Variants in NRXN3 observed in about 807,000 individuals in gnomAD.
The protein encoded by NRXN3 is neurexin 3.
NRXN3 carries 32 observed loss-of-function variants against 137.6 expected under a neutral mutation model. The ratio of observed to expected loss-of-function variants is 0.23; its 90% CI spans 0.18 to 0.31. The LOEUF is 0.31. Among genes scored for constraint, NRXN3 ranks in the 10% least tolerant of loss-of-function variants. NRXN3 has a pLI of 1.00. For synonymous variants in NRXN3, 798 were observed against 784.5 expected, an observed-to-expected ratio of 1.02 and a Z score of -0.29; for missense variants, 1,574 against 2,062.5, an observed-to-expected ratio of 0.76 and a Z score of 4.59.
intron 6 of NRXN3, among the ~76,000 whole-genome samples, chr14:78,694,087 T>C (rs1863026): frequency 0.13 from 19,901 of 151,928 alleles, 1,654 homozygotes; most frequent in African/African-American, 0.2. Context: ...GCATTTCTGA[T>C]TGCCCCTTCC....
intron 8 of NRXN3, among the ~76,000 whole-genome samples, chr14:78,736,949 A>G (rs1470579289): frequency 6.6e-6 from 1 of 151,982 alleles, no homozygotes; most frequent in Non-Finnish European, 1.5e-5. Context: ...TTATCATTTC[A>G]GAAAAGACTT....
intron 15 of NRXN3, among the ~76,000 whole-genome samples, chr14:79,237,996 T>C (rs139457117): frequency 1.2e-3 from 179 of 152,284 alleles, no homozygotes; most frequent in African/African-American, 4.1e-3. Context: ...TTTTTAATTA[T>C]GAGGTATTTT....
intron 16 of NRXN3, among the ~76,000 whole-genome samples, chr14:79,529,522 A>G (rs7158959): frequency 0.067 from 10,161 of 152,288 alleles, 765 homozygotes; most frequent in African/African-American, 0.18. Context: ...CCCTCACCAC[A>G]TATGTGAGAA....
At chr14:79,239,208 G>A (rs1261714731) in intron 15 of NRXN3, among the ~76,000 whole-genome samples, 2 of 152,086 alleles carry the variant, frequency 1.3e-5, no homozygotes, top group Admixed American at 6.6e-5. Flanking sequence ...TACAAACAAT[G>A]TGAATGTATT....
At chr14:79,578,583 C>T (rs1293039609) in intron 16 of NRXN3, among the ~76,000 whole-genome samples, 6 of 152,136 alleles carry the variant, frequency 3.9e-5, no homozygotes, top group Non-Finnish European at 8.8e-5. Flanking sequence ...AGATGTGGCT[C>T]CTACTAGGCA....
intron 4 of NRXN3, among the ~76,000 whole-genome samples, chr14:78,389,760 C>T (rs1191595101): frequency 6.6e-6 from 1 of 152,050 alleles, no homozygotes; most frequent in Non-Finnish European, 1.5e-5. Context: ...CTAGTTAAAA[C>T]TATTGAGACT....
chr14:79,220,177 C>T (rs1568653315), intron 15 of NRXN3, among the ~76,000 whole-genome samples: 1 of 152,176 alleles, frequency 6.6e-6, no homozygotes, highest in African/African-American at 2.4e-5. Flanking sequence ...TGTTTAAAGA[C>T]TATTGCCTAC....
chr14:79,054,012 GACATGGATGAAGCTGGAA>G (rs34857255), intron 15 of NRXN3, among the ~76,000 whole-genome samples: 60,961 of 151,544 alleles, frequency 0.4, 13,136 homozygotes, highest in African/African-American at 0.53. Context: ...CCTTTGTAGT[GACATGGATGAAGCTGGAA>G]ACCATCATTC....
At chr14:78,846,459 G>C (rs1320900296) in intron 10 of NRXN3, among the ~76,000 whole-genome samples, 1 of 151,996 alleles carries the variant, frequency 6.6e-6, no homozygotes, top group Non-Finnish European at 1.5e-5. Context: ...TGCTGTTATG[G>C]GATTTAAATA....
intron 19 of NRXN3, among the ~76,000 whole-genome samples, chr14:79,732,663 T>A (rs199517171): frequency 5.3e-5 from 8 of 152,334 alleles, no homozygotes; most frequent in African/African-American, 1.7e-4. Flanking sequence ...TAGCTACATG[T>A]CTATGCACTT....
At position 78,270,012 on chromosome 14, in the gene NRXN3, G is replaced by C. The variant is rs540495287; in HGVS notation, c.710-8633G>C. ...TTGCTAAGTGCTTTTGCGTATGTTA[G>C]TTCTTTATAATGCTTACATCAGTCC... On this transcript the variant is annotated intron_variant, in intron 2 of 20. Coordinates refer to ENST00000335750, the MANE Select transcript of NRXN3 (RefSeq NM_001330195.2). 5.3e-5 allele frequency among the ~76,000 whole-genome samples: 8 copies of C among 152,278 alleles called. No individual in the cohort carries two copies. The East Asian group carries it at 1.3e-3, about 26-fold the overall frequency.
At chr14:78,981,368 C>T (rs2099489029) in intron 14 of NRXN3, among the ~76,000 whole-genome samples, 2 of 152,204 alleles carry the variant, frequency 1.3e-5, no homozygotes, top group Admixed American at 6.6e-5. Context: ...GGCTTACACA[C>T]ATCCGTGAGA....
intron 16 of NRXN3, among the ~76,000 whole-genome samples, chr14:79,629,911 GGCA>G (rs2098327301): frequency 1.3e-5 from 2 of 152,032 alleles, no homozygotes; most frequent in African/African-American, 4.8e-5. Context: ...ATTTGATGAT[GGCA>G]GCAACAAAAC....
intron 4 of NRXN3, among the ~76,000 whole-genome samples, chr14:78,355,350 C>CT (rs5809878): frequency 6.5e-4 from 96 of 148,566 alleles, no homozygotes; most frequent in Middle Eastern, 6.8e-3. Context: ...ACCATATTGA[C>CT]TTTTTTTTTT....
chr14:78,759,997 T>C (rs950881507), intron 8 of NRXN3, among the ~76,000 whole-genome samples: 10 of 151,158 alleles, frequency 6.6e-5, no homozygotes, highest in Non-Finnish European at 8.8e-5. Flanking sequence ...AATCACATAG[T>C]CTGTTCAAGG....
At chr14:78,484,000 ACACACACACACAC>A (rs2095516369) in intron 4 of NRXN3, among the ~76,000 whole-genome samples, 1 of 144,918 alleles carries the variant, frequency 6.9e-6, no homozygotes, top group Non-Finnish European at 1.5e-5. Flanking sequence ...ACACACACAC[ACACACACACACAC>A]ACACACACAC....
intron 10 of NRXN3, among the ~76,000 whole-genome samples, chr14:78,910,239 C>T (rs1178654416): frequency 2.6e-5 from 4 of 152,002 alleles, no homozygotes; most frequent in Admixed American, 2.6e-4. Flanking sequence ...AGCCTGACTG[C>T]TTGGATTTAT....
chr14:79,468,517 A>G (rs2096458979), intron 16 of NRXN3, among the ~76,000 whole-genome samples: 1 of 152,230 alleles, frequency 6.6e-6, no homozygotes, highest in Non-Finnish European at 1.5e-5. Flanking sequence ...ACCAACCTCC[A>G]AAAAGGAGGA....
chr14:78,612,984 A>T (rs2097312833), intron 4 of NRXN3, among the ~76,000 whole-genome samples: 1 of 152,196 alleles, frequency 6.6e-6, no homozygotes, highest in Non-Finnish European at 1.5e-5. Flanking sequence ...CCTTAGTGTC[A>T]TATCACATAA....
Sources: gnomAD v4.1 joint callset for allele counts (sites outside exome capture counted in the v4.1 genomes callset) on GRCh38, gnomAD v4.1.1 for gene constraint, MANE v1.5 for transcripts, NCBI Gene and HGNC (gene_info 2026-07-23, HGNC 2026-07-21) for gene names.